GALNTL6: variants seen among roughly 807,000 people sequenced by gnomAD.
GALNTL6 encodes polypeptide N-acetylgalactosaminyltransferase-like 6.
Under a neutral mutation model 73.7 loss-of-function variants are expected in GALNTL6, and 46 were observed. That is an observed-to-expected ratio of 0.62 (90% CI 0.49 to 0.80). The LOEUF (loss-of-function observed/expected upper bound fraction) is 0.80, where lower values mean the gene tolerates loss of function less well. Among genes scored for constraint, GALNTL6 ranks in the 30% least tolerant of loss-of-function variants. The probability of loss-of-function intolerance (pLI) is 0.00; values close to 1 mark genes in which losing one functional copy is unlikely to be tolerated. For synonymous variants in GALNTL6, 259 were observed against 263.7 expected (o/e 0.98, Z 0.17); for missense variants, 604 against 755.0 (o/e 0.80, Z 2.34).
chr4:172,304,077 G>A lies in GALNTL6; in HGVS notation c.248-7537G>A, dbSNP rs1740036530. Among the ~76,000 whole-genome samples the A allele has an allele frequency of 5.9e-5, 3 of 50,952 alleles. No homozygotes were observed. In the Admixed American group the frequency reaches 7.9e-4, roughly 13 times the overall value. 33.4% of individuals were successfully genotyped at this position (50,952 alleles called of 152,430 possible). On this transcript the variant is annotated intron_variant, in intron 3 of 12. Transcript: ENST00000506823. Reference sequence around the variant, plus strand: ...ATATGTTTTAAATCACAATATTCTGGGTTTTTTTTCTCTCAAACTTGATAT... The same window carrying A: ...ATATGTTTTAAATCACAATATTCTGAGTTTTTTTTCTCTCAAACTTGATAT...
intron 2 of GALNTL6, among the ~76,000 whole-genome samples, chr4:172,128,259 T>C (rs961798722): frequency 2.0e-5 from 3 of 152,138 alleles, no homozygotes; most frequent in Non-Finnish European, 4.4e-5. Context: ...TTAGGCTAAT[T>C]GCTATATTTT....
chr4:171,879,192 G>A (rs1347757095), intron 2 of GALNTL6, among the ~76,000 whole-genome samples: 2 of 152,158 alleles, frequency 1.3e-5, no homozygotes, highest in African/African-American at 2.4e-5. Context: ...TAAGCCATGA[G>A]CTTGTGCAGA....
intron 4 of GALNTL6, among the ~76,000 whole-genome samples, chr4:172,341,396 A>C (rs1189452564): frequency 2.9e-5 from 4 of 140,276 alleles, no homozygotes; most frequent in Non-Finnish European, 4.5e-5. Flanking sequence ...GCTTGCAGTG[A>C]GCCGAGATCC....
intron 5 of GALNTL6, among the ~76,000 whole-genome samples, chr4:172,615,890 A>G (rs1579246368): frequency 6.6e-6 from 1 of 152,318 alleles, no homozygotes; most frequent in Non-Finnish European, 1.5e-5. Context: ...CTGATGCTTT[A>G]ATACAACCAC....
At chr4:172,460,198 G>T (rs1002348404) in intron 5 of GALNTL6, among the ~76,000 whole-genome samples, 1 of 152,010 alleles carries the variant, frequency 6.6e-6, no homozygotes, top group African/African-American at 2.4e-5. Flanking sequence ...CCCCTTCTTT[G>T]TATCTTATGC....
At position 172,546,787 on chromosome 4, in the gene GALNTL6, T is replaced by TATATATATAC. The variant is rs1451256531; in HGVS notation, c.553+198099_553+198108dup. Among the ~76,000 whole-genome samples the TATATATATAC allele has an allele frequency of 2.2e-3, 97 of 43,162 alleles. 13 individuals carry two copies. Among genetic ancestry groups the TATATATATAC allele is most frequent in the African/African-American group, 9.3e-3 (93 of 9,964 alleles). 28.3% of individuals were successfully genotyped at this position (43,162 alleles called of 152,430 possible). ...ATTAGAGTTTTTCAACTCCGCTTTA[T>TATATATATAC]ATATATATACGTATATATACGTATA... On this transcript the variant is annotated intron_variant, in intron 5 of 12. Transcript: ENST00000506823.
At chr4:172,391,424 T>C (rs1326864388) in intron 5 of GALNTL6, among the ~76,000 whole-genome samples, 2 of 152,142 alleles carry the variant, frequency 1.3e-5, no homozygotes, top group Non-Finnish European at 2.9e-5. Context: ...CACTGCAGCC[T>C]TGAACTCTTG....
chr4:172,243,746 A>C (rs1454195806), intron 3 of GALNTL6, among the ~76,000 whole-genome samples: 2 of 152,182 alleles, frequency 1.3e-5, no homozygotes, highest in Non-Finnish European at 2.9e-5. Flanking sequence ...GGCTTTCCTA[A>C]GTTCCTTTAA....
In GALNTL6 at chr4:172,882,872, A is replaced by G. The variant is rs1745532288; in HGVS notation, c.1006A>G (p.Ile336Val). Residue 336 changes from isoleucine to valine, a missense_variant, in exon 8 of 13, where the codon ATC (isoleucine) becomes GTC (valine). Ile to Val is a conservative substitution (Grantham distance 29, BLOSUM62 3). Coordinates refer to ENST00000506823, the MANE Select transcript of GALNTL6 (RefSeq NM_001034845.3). Reference protein sequence around the residue: ...ELGGYDPGLEIWGGEQYEISF... With the variant: ...ELGGYDPGLEVWGGEQYEISF... ...GGGTGGCTATGATCCAGGTTTAGAA[A>G]TCTGGGGAGGAGAACAGTATGAAAT... The G allele has an allele frequency of 6.2e-7, 1 of 1,609,506 alleles. No individual in the cohort carries two copies. Among genetic ancestry groups the G allele is most frequent in the African/African-American group, 1.3e-5 (1 of 74,748 alleles).
chr4:173,006,345 T>A (rs1752289452), intron 10 of GALNTL6, among the ~76,000 whole-genome samples: 1 of 152,190 alleles, frequency 6.6e-6, no homozygotes, highest in East Asian at 1.9e-4. Context: ...AAAGGCCTGC[T>A]CAGAGTTCTG....
chr4:172,156,964 C>T (rs1014884028), intron 2 of GALNTL6, among the ~76,000 whole-genome samples: 36 of 152,138 alleles, frequency 2.4e-4, no homozygotes, highest in South Asian at 6.2e-4. Context: ...AGAGTATGTC[C>T]ATTCCCATAG....
intron 5 of GALNTL6, among the ~76,000 whole-genome samples, chr4:172,632,151 G>T (rs1739422462): frequency 6.6e-6 from 1 of 152,142 alleles, no homozygotes. Context: ...ATAGTCTCAG[G>T]TATGTCTTTA....
At chr4:172,144,477 G>A (rs986409226) in intron 2 of GALNTL6, among the ~76,000 whole-genome samples, 12 of 152,028 alleles carry the variant, frequency 7.9e-5, no homozygotes, top group African/African-American at 2.9e-4. Context: ...AGGAAAAAAT[G>A]GAGAAATTTT....
intron 7 of GALNTL6, among the ~76,000 whole-genome samples, chr4:172,868,601 T>C (rs1286794070): frequency 6.6e-6 from 1 of 152,206 alleles, no homozygotes; most frequent in African/African-American, 2.4e-5. Context: ...TGTAAATTTA[T>C]CTAGCTATTT....
intron 10 of GALNTL6, among the ~76,000 whole-genome samples, chr4:172,953,321 A>G (rs577843282): frequency 1.8e-4 from 27 of 152,302 alleles, no homozygotes; most frequent in African/African-American, 6.0e-4. Context: ...GATAGGGTGG[A>G]TTTATCCTAG....
rs1250823675 is a variant in GALNTL6 at position 172,354,474 on chromosome 4, GCT to G, written c.553+5788_553+5789del. On this transcript the variant is annotated intron_variant, in intron 5 of 12. Coordinates refer to ENST00000506823, the MANE Select transcript of GALNTL6 (RefSeq NM_001034845.3). The stretch of plus-strand genomic sequence containing the variant: ...GTTAAATGTGCAGATTGTCCTAATG[GCT>G]CTGTTAACAAATTGCTTTAACATTT... 4.6e-5 allele frequency among the ~76,000 whole-genome samples: 7 copies of G among 152,028 alleles called. No individual in the cohort carries two copies. The East Asian group carries it at 1.4e-3, about 29-fold the overall frequency.
At chr4:172,130,921 C>T (rs960776141) in intron 2 of GALNTL6, among the ~76,000 whole-genome samples, 1 of 151,952 alleles carries the variant, frequency 6.6e-6, no homozygotes, top group Admixed American at 6.6e-5. Context: ...GGCCACTATC[C>T]CTGTATTTCT....
chr4:172,952,387 C>A (rs1749496937), intron 10 of GALNTL6, 129 bp downstream of exon 10: 2 of 632,714 alleles, frequency 3.2e-6, no homozygotes, highest in South Asian at 2.0e-5. Flanking sequence ...TCATTTAAAT[C>A]ATCTCAAATA....
At chr4:171,902,501 G>A (rs1737128205) in intron 2 of GALNTL6, among the ~76,000 whole-genome samples, 1 of 152,170 alleles carries the variant, frequency 6.6e-6, no homozygotes, top group Admixed American at 6.5e-5. Flanking sequence ...TGAAAGCAAG[G>A]AGAATCAACA....
Sources: gnomAD v4.1 joint callset for allele counts (sites outside exome capture counted in the v4.1 genomes callset) on GRCh38, gnomAD v4.1.1 for gene constraint, MANE v1.5 for transcripts, NCBI Gene and HGNC (gene_info 2026-07-23, HGNC 2026-07-21) for gene names.